ADGRV1: variants seen among roughly 807,000 people sequenced by gnomAD.
ADGRV1 encodes G-protein coupled receptor 98.
In ADGRV1, 359 loss-of-function variants were observed where a neutral mutation model predicts 596.2. The observed-to-expected ratio is 0.60, with a 90% CI of 0.55 to 0.66. ADGRV1 has a LOEUF of 0.66. Among genes scored for constraint, ADGRV1 ranks in the 30% least tolerant of loss-of-function variants. The pLI, the probability that ADGRV1 is intolerant of heterozygous loss-of-function variation, is 0.00. For synonymous variants in ADGRV1, 2,681 were observed against 2,679.2 expected, an observed-to-expected ratio of 1.00 and a Z score of -0.02; for missense variants, 7,274 against 7,575.6, an observed-to-expected ratio of 0.96 and a Z score of 1.48.
intron 1 of ADGRV1, among the ~76,000 whole-genome samples, chr5:90,605,738 T>A (rs1343964203): frequency 6.6e-6 from 1 of 152,172 alleles, no homozygotes; most frequent in Non-Finnish European, 1.5e-5. Context: ...TAATAGAGTG[T>A]TAATACTGGT....
intron 69 of ADGRV1, among the ~76,000 whole-genome samples, chr5:90,790,509 C>G (rs1759948307): frequency 6.6e-6 from 1 of 152,018 alleles, no homozygotes; most frequent in Non-Finnish European, 1.5e-5. Flanking sequence ...AACAAAAATT[C>G]TGATTTGAAT....
intron 83 of ADGRV1, among the ~76,000 whole-genome samples, chr5:90,915,629 A>T (rs561189567): frequency 1.7e-4 from 26 of 152,138 alleles, no homozygotes; most frequent in African/African-American, 6.0e-4. Flanking sequence ...ATACACATCA[A>T]GTTCTAAAAT....
chr5:90,585,124 C>T (rs1256386847), intron 1 of ADGRV1, among the ~76,000 whole-genome samples: 2 of 152,134 alleles, frequency 1.3e-5, no homozygotes, highest in Non-Finnish European at 2.9e-5. Flanking sequence ...ACAAATATAT[C>T]AGATGTCAAA....
intron 83 of ADGRV1, among the ~76,000 whole-genome samples, chr5:90,960,099 A>C (rs922800938): frequency 9.3e-5 from 14 of 150,044 alleles, no homozygotes; most frequent in Admixed American, 1.3e-4. Flanking sequence ...AGATCGCGCC[A>C]CTGCACTCCA....
chr5:91,091,749 CAGA>C (rs1790403379), intron 86 of ADGRV1: 2 of 151,812 alleles, frequency 1.3e-5, no homozygotes, highest in Non-Finnish European at 2.9e-5. Flanking sequence ...ATGCTAAGGG[CAGA>C]AGAAGGAATG....
chr5:91,104,781 T>A (rs1348879325), intron 87 of ADGRV1, among the ~76,000 whole-genome samples: 3 of 152,158 alleles, frequency 2.0e-5, no homozygotes, highest in Non-Finnish European at 4.4e-5. Context: ...CAAAAATAAT[T>A]GTGATTTTTG....
intron 77 of ADGRV1, among the ~76,000 whole-genome samples, chr5:90,832,002 A>T (rs1449131843): frequency 1.3e-5 from 2 of 152,182 alleles, no homozygotes; most frequent in Non-Finnish European, 2.9e-5. Flanking sequence ...GGTTGGTTCC[A>T]AATCTTGACT....
chr5:90,598,000 A>G (rs896279290), intron 1 of ADGRV1, among the ~76,000 whole-genome samples: 1 of 152,236 alleles, frequency 6.6e-6, no homozygotes, highest in Non-Finnish European at 1.5e-5. Context: ...ATGAAAGCAA[A>G]TAAGAATAAA....
At chr5:91,107,793 G>A (rs1050998449) in intron 87 of ADGRV1, among the ~76,000 whole-genome samples, 1 of 152,082 alleles carries the variant, frequency 6.6e-6, no homozygotes, top group African/African-American at 2.4e-5. Context: ...ATAAATATAA[G>A]CCTTAGGATT....
chr5:90,708,858 A>T lies in ADGRV1; in HGVS notation c.8773A>T (p.Thr2925Ser). Residue 2925 changes from threonine to serine, a missense_variant, in exon 39 of 90, where the codon ACT becomes TCT. Around this residue, in one of 5 missense-constraint regions of ADGRV1, gnomAD observed 3,643 missense variants for 3,809.2 expected, o/e 0.96. Transcript: ENST00000405460. ...ELEEYFLVNL[T>S]YVGLTMAAST... ...AGAAGAATATTTCCTGGTGAATTTA[A>T]CTTACGTTGGACTTACCATGGCTGC... is the stretch of plus-strand genomic sequence containing the variant. 1 of 1,612,640 alleles carries T rather than the reference A, an allele frequency of 6.2e-7. No individual in the cohort carries two copies. Among genetic ancestry groups the T allele is most frequent in the Non-Finnish European group, 8.5e-7 (1 of 1,178,966 alleles).
At chr5:90,834,936 CTTTCTTTT>C (rs1048390273) in intron 77 of ADGRV1, among the ~76,000 whole-genome samples, 17 of 138,960 alleles carry the variant, frequency 1.2e-4, no homozygotes, top group African/African-American at 4.6e-4. Context: ...TTCTTTCTTT[CTTTCTTTT>C]TCTTTCTCCT....
intron 78 of ADGRV1, among the ~76,000 whole-genome samples, chr5:90,845,126 T>C (rs2150373632): frequency 6.6e-6 from 1 of 152,250 alleles, no homozygotes; most frequent in Middle Eastern, 3.4e-3. Context: ...CACAAGCAAG[T>C]GGGGAGTGTT....
chr5:91,022,391 A>G (rs558438952), intron 85 of ADGRV1, among the ~76,000 whole-genome samples: 1 of 152,158 alleles, frequency 6.6e-6, no homozygotes, highest in Admixed American at 6.6e-5. Flanking sequence ...CACTAAATTT[A>G]TCATCAGGGA....
intron 1 of ADGRV1, among the ~76,000 whole-genome samples, chr5:90,603,325 T>A (rs1331537975): frequency 6.6e-6 from 1 of 152,252 alleles, no homozygotes; most frequent in Non-Finnish European, 1.5e-5. Flanking sequence ...TCTCAATGTT[T>A]CCATCTACTT....
intron 83 of ADGRV1, among the ~76,000 whole-genome samples, chr5:90,906,207 G>A (rs189061852): frequency 6.6e-6 from 1 of 151,946 alleles, no homozygotes; most frequent in African/African-American, 2.4e-5. Flanking sequence ...ACATGTTTTT[G>A]TCTGGTTTTG....
chr5:90,689,816 G>T (rs766404032), intron 29 of ADGRV1, 45 bp from the exon 30 acceptor site: 1 of 1,361,080 alleles, frequency 7.3e-7, no homozygotes. Context: ...GGAATGTTTT[G>T]ATCATATTTT....
intron 70 of ADGRV1, among the ~76,000 whole-genome samples, chr5:90,799,009 A>G (rs1166359333): frequency 2.0e-5 from 3 of 152,188 alleles, no homozygotes; most frequent in Non-Finnish European, 2.9e-5. Flanking sequence ...CCCTTTGAAA[A>G]CTGGCACAAG....
At chr5:90,839,318 G>T (rs866066592) in intron 77 of ADGRV1, among the ~76,000 whole-genome samples, 1 of 152,100 alleles carries the variant, frequency 6.6e-6, no homozygotes, top group African/African-American at 2.4e-5. Flanking sequence ...GGATTCAAGC[G>T]ATTCTCCTGC....
At chr5:90,945,726 C>T (rs1776517156) in intron 83 of ADGRV1, among the ~76,000 whole-genome samples, 2 of 152,128 alleles carry the variant, frequency 1.3e-5, no homozygotes, top group Admixed American at 1.3e-4. Flanking sequence ...TGGCTCACTC[C>T]TGTAATCCCA....
Sources: gnomAD v4.1 joint callset for allele counts (sites outside exome capture counted in the v4.1 genomes callset) on GRCh38, gnomAD v4.1.1 for gene constraint, gnomAD v4.1.1 regional missense constraint, MANE v1.5 for transcripts, NCBI Gene and HGNC (gene_info 2026-07-23, HGNC 2026-07-21) for gene names.